Variants in HENMT1 observed in about 807,000 individuals in gnomAD.
HENMT1 encodes small RNA 2'-O-methyltransferase.
A neutral mutation model predicts 31.1 loss-of-function variants in HENMT1; 27 were observed. The observed-to-expected ratio is 0.87, with a 90% confidence interval of 0.64 to 1.20. The LOEUF (loss-of-function observed/expected upper bound fraction) is 1.20, where lower values mean the gene tolerates loss of function less well. Among genes scored for constraint, HENMT1 ranks in the 50% most tolerant of loss-of-function variants. The pLI is 0.00. For missense variants in HENMT1, 438 were observed against 469.6 expected (o/e 0.93, Z 0.62); for synonymous variants, 167 against 172.2 (o/e 0.97, Z 0.24).
chr1:108,655,891 A>ACACT (rs1553183577), intron 3 of HENMT1, among the ~76,000 whole-genome samples, 193 bp from the exon 4 acceptor site: 1 of 147,194 alleles, frequency 6.8e-6, no homozygotes, highest in Non-Finnish European at 1.5e-5. Context: ...ACACACACAC[A>ACACT]CTAACCTGAA....
chr1:108,661,431 C>G (rs866818890), upstream of HENMT1: 5 of 152,342 alleles, frequency 3.3e-5, no homozygotes, highest in Admixed American at 6.5e-5. Context: ...GCGAAGGCCC[C>G]CAACTCCGAG....
intron 2 of HENMT1, among the ~76,000 whole-genome samples, chr1:108,657,978 C>T (rs902173824): frequency 7.1e-6 from 1 of 141,606 alleles, no homozygotes; most frequent in African/African-American, 2.6e-5. Flanking sequence ...TATATATACA[C>T]ACACACATAT....
chr1:108,649,865 G>A (rs566110610), intron 7 of HENMT1: 1 of 372,246 alleles, frequency 2.7e-6, no homozygotes, highest in Non-Finnish European at 5.2e-6. Flanking sequence ...TGTTGTCCAG[G>A]CTGCACTCGA....
chr1:108,659,989 T>C, intron 1 of HENMT1, 27 bp from the exon 2 acceptor site: 1 of 1,295,742 alleles, frequency 7.7e-7, no homozygotes. Context: ...ACCGTTTTTG[T>C]AAAGCGATAC....
chr1:108,661,287 A>G (rs1267206529), upstream of HENMT1: 6 of 152,406 alleles, frequency 3.9e-5, no homozygotes, highest in East Asian at 1.2e-3. Context: ...TGCGTCTCGT[A>G]ACGGCCGCTG....
Position 108,650,191 on chromosome 1 carries a change from ATC to A in HENMT1, c.756+18_756+19del. ...TAATGTATCTCTAGCCCTGATAGCT[ATC>A]TCACAAAGAATACTCACAGCTTTAT... is the stretch of plus-strand genomic sequence containing the variant. On this transcript the variant is annotated intron_variant, in intron 7 of 7. Coordinates refer to ENST00000651461, the MANE Select transcript of HENMT1 (RefSeq NM_001102592.2). 6.2e-7 allele frequency: 1 copy of A among 1,609,850 alleles called. No individual in the cohort carries two copies. Among genetic ancestry groups the A allele is most frequent in the Non-Finnish European group, 8.5e-7 (1 of 1,176,610 alleles).
chr1:108,649,139 A>T, intron 7 of HENMT1, 148 bp from the exon 8 acceptor site: 1 of 663,354 alleles, frequency 1.5e-6, no homozygotes, highest in South Asian at 1.9e-5. Context: ...TGCCTCAGTT[A>T]TAATGGGAAT....
At position 108,648,372 on chromosome 1, in the gene HENMT1, A is replaced by T; in HGVS notation, c.*194T>A. On this transcript the variant is annotated 3_prime_UTR_variant, in exon 8 of 8. Transcript: ENST00000651461. ...AAAATCAAAGGAAAGCACCCGTTTT[A>T]AACCCTCATATCTTTCTCAGGGCTC... The T allele has an allele frequency of 1.8e-6, 1 of 565,340 alleles. No individual in the cohort carries two copies. 35.0% of individuals were successfully genotyped at this position (565,340 alleles called of 1,614,324 possible).
chr1:108,661,088 A>T lies in HENMT1; in HGVS notation c.-204T>A, dbSNP rs1254049917. The T allele has an allele frequency of 2.8e-6, 2 of 721,488 alleles. No individual in the cohort carries two copies. Among genetic ancestry groups the T allele is most frequent in the African/African-American group, 1.9e-5 (1 of 52,044 alleles). The allele number at this position is 721,488 out of a possible 1,614,324, so 44.7% of individuals were successfully genotyped here. Reference sequence around the variant, plus strand: ...GCGTCCTCAACTCAGCGCCGCCCTGACGCCCGCGCACGCACGGCCTCGCTG... The same window carrying T: ...GCGTCCTCAACTCAGCGCCGCCCTGTCGCCCGCGCACGCACGGCCTCGCTG... On this transcript the variant is annotated 5_prime_UTR_variant, in exon 1 of 8. Transcript: ENST00000651461.
chr1:108,649,440 A>G (rs901713911), intron 7 of HENMT1: 1 of 438,598 alleles, frequency 2.3e-6, no homozygotes, highest in Non-Finnish European at 4.5e-6. Context: ...GTCTCTACGG[A>G]AAAAAAAACA....
At chr1:108,650,478 C>T in intron 6 of HENMT1, 90 bp from the exon 7 acceptor site, 17 of 1,135,638 alleles carry the variant, frequency 1.5e-5, no homozygotes, top group Non-Finnish European at 2.1e-5. Context: ...TAAAAGAGAA[C>T]ATGAAAAATA....
intron 2 of HENMT1, among the ~76,000 whole-genome samples, chr1:108,659,549 C>T (rs1658374453): frequency 6.6e-6 from 1 of 152,154 alleles, no homozygotes; most frequent in African/African-American, 2.4e-5. Flanking sequence ...CACCCTAGAC[C>T]TCCTTAAACA....
Position 108,648,887 on chromosome 1 carries a change from C to T in HENMT1, c.861G>A (p.Leu287=), listed in dbSNP as rs766218342. The T allele has an allele frequency of 9.9e-6, 16 of 1,614,212 alleles. No individual in the cohort carries two copies. In the Middle Eastern group the frequency reaches 2.0e-3, roughly 200 times the overall value. The change falls in exon 8 of 8, where the codon CTG becomes CTA. Residue 287 remains leucine, a synonymous_variant. Coordinates refer to ENST00000651461, the MANE Select transcript of HENMT1 (RefSeq NM_001102592.2). ...QQVESLRVSH[L]PRRKEQAGER... ...CCCCAGCCTGTTCTTTCCGCCTTGG[C>T]AGGTGGCTCACTCTTAAGCTTTCCA...
chr1:108,651,447 C>G, intron 5 of HENMT1: 3 of 409,946 alleles, frequency 7.3e-6, no homozygotes, highest in Non-Finnish European at 1.3e-5. Flanking sequence ...GAGTTAAAGA[C>G]CAGCCCGGCC....
At position 108,661,048 on chromosome 1, in the gene HENMT1, G is replaced by C. The variant is rs1658452720; in HGVS notation, c.-164C>G. The C allele has an allele frequency of 7.2e-6, 7 of 977,386 alleles. No homozygotes were observed. Among genetic ancestry groups the C allele is most frequent in the Non-Finnish European group, 8.5e-6 (7 of 822,766 alleles). The allele number at this position is 977,386 out of a possible 1,614,324, so 60.5% of individuals were successfully genotyped here. A position where few individuals can be genotyped will look rare whatever the true frequency, so the allele number is the denominator to read the frequency against. ...ATGCCCAACCGAAAAAACAAAGCTC[G>C]TCGCGGAGCCGCCAGCGTCCTCAAC... is the stretch of plus-strand genomic sequence containing the variant. On this transcript the variant is annotated 5_prime_UTR_variant, in exon 1 of 8. Transcript: ENST00000651461.
intron 1 of HENMT1, among the ~76,000 whole-genome samples, chr1:108,660,749 C>A (rs898364782): frequency 6.6e-6 from 1 of 151,648 alleles, no homozygotes; most frequent in Non-Finnish European, 1.5e-5. Context: ...ACGGTGAAAC[C>A]CCGTCTCTAC....
chr1:108,649,573 GC>G (rs1657985991), intron 7 of HENMT1: 2 of 352,796 alleles, frequency 5.7e-6, no homozygotes, highest in South Asian at 4.3e-5. Context: ...CCATGATTGT[GC>G]CGGTGCACTC....
rs1241817518 is a variant in HENMT1 at position 108,654,709 on chromosome 1, A to C, written c.398+7T>G. On this transcript the variant is annotated splice_region_variant and intron_variant, in intron 5 of 7. Coordinates refer to ENST00000651461, the MANE Select transcript of HENMT1 (RefSeq NM_001102592.2). ...ACAGTTATACAGTGTATCAGTTTAA[A>C]ACTTACAATTCAATACACGTTATCA... 2 of 1,613,972 alleles carry C rather than the reference A, an allele frequency of 1.2e-6. No homozygotes were observed. Among genetic ancestry groups the C allele is most frequent in the African/African-American group, 1.3e-5 (1 of 75,052 alleles).
chr1:108,658,100 TAC>T (rs200486603), intron 2 of HENMT1, among the ~76,000 whole-genome samples: 15 of 123,956 alleles, frequency 1.2e-4, no homozygotes, highest in Admixed American at 3.3e-4. Flanking sequence ...CACACATATA[TAC>T]ACACACACAC....
Sources: allele counts gnomAD v4.1 joint callset (sites outside exome capture counted in the v4.1 genomes callset), GRCh38; gene constraint gnomAD v4.1.1; transcripts MANE v1.5; gene names NCBI Gene and HGNC (gene_info 2026-07-23, HGNC 2026-07-21).